LY96: variants seen among roughly 807,000 people sequenced by gnomAD.
LY96 encodes the protein lymphocyte antigen 96.
Under a neutral mutation model 18.9 loss-of-function variants are expected in LY96, and 18 were observed. That is an observed-to-expected ratio of 0.95 (90% CI 0.66 to 1.41). The LOEUF (loss-of-function observed/expected upper bound fraction) is 1.41. Among genes scored for constraint, LY96 ranks in the 40% most tolerant of loss-of-function variants. The probability of loss-of-function intolerance (pLI) is 0.00; values close to 1 mark genes in which losing one functional copy is unlikely to be tolerated. For missense variants in LY96, 175 were observed against 182.4 expected, an observed-to-expected ratio of 0.96 and a Z score of 0.23; for synonymous variants, 66 against 62.6, an observed-to-expected ratio of 1.06 and a Z score of -0.26.
the LY96 span, among the ~76,000 whole-genome samples, chr8:74,095,063 A>G: frequency 2.0e-5 from 3 of 152,214 alleles, no homozygotes; most frequent in African/African-American, 7.2e-5. Context: ...ATTGTTCCAA[A>G]GGTGTGGCAG....
At chr8:74,065,186 C>T in the LY96 span, among the ~76,000 whole-genome samples, 1 of 152,136 alleles carries the variant, frequency 6.6e-6, no homozygotes, top group African/African-American at 2.4e-5. Flanking sequence ...ACTTTCTGGG[C>T]CAAACCAATG....
the LY96 span, among the ~76,000 whole-genome samples, chr8:74,087,114 A>G: frequency 6.6e-6 from 1 of 152,220 alleles, no homozygotes; most frequent in Non-Finnish European, 1.5e-5. Flanking sequence ...GGGTGGCAAT[A>G]GCTCCTGAAA....
intron 2 of LY96, among the ~76,000 whole-genome samples, chr8:74,006,322 C>T (rs903186510): frequency 5.1e-4 from 77 of 152,158 alleles, no homozygotes; most frequent in African/African-American, 1.3e-3. Flanking sequence ...CTCAGCCTCC[C>T]GGGTAGCTGG....
At chr8:74,014,523 T>C in intron 3 of LY96, among the ~76,000 whole-genome samples, 1 of 149,646 alleles carries the variant, frequency 6.7e-6, no homozygotes. Context: ...CATAATGAGT[T>C]CTGGCTTGGG....
chr8:74,058,450 A>G, the LY96 span, among the ~76,000 whole-genome samples: 2 of 152,248 alleles, frequency 1.3e-5, no homozygotes. Flanking sequence ...TGTATTAGTC[A>G]GGGTTCTCCA....
intron 1 of LY96, among the ~76,000 whole-genome samples, chr8:74,002,992 A>T (rs2131261266): frequency 6.6e-6 from 1 of 152,314 alleles, no homozygotes; most frequent in East Asian, 1.9e-4. Flanking sequence ...GAGGTATTTT[A>T]AATTGTCTGT....
the LY96 span, among the ~76,000 whole-genome samples, chr8:74,092,248 T>C: frequency 1.3e-5 from 2 of 152,200 alleles, no homozygotes; most frequent in African/African-American, 4.8e-5. Context: ...AGTCTGTTCA[T>C]TTTATCAGAG....
At chr8:74,077,065 A>G in the LY96 span, among the ~76,000 whole-genome samples, 5 of 152,184 alleles carry the variant, frequency 3.3e-5, no homozygotes, top group African/African-American at 7.2e-5. Context: ...ATTATAAAGG[A>G]CACACCTCTA....
the LY96 span, among the ~76,000 whole-genome samples, chr8:74,086,289 T>C: frequency 6.6e-6 from 1 of 152,232 alleles, no homozygotes; most frequent in East Asian, 1.9e-4. Context: ...TGTCTTTCTC[T>C]ACAAACTATA....
At chr8:74,086,603 A>T in the LY96 span, among the ~76,000 whole-genome samples, 1 of 152,238 alleles carries the variant, frequency 6.6e-6, no homozygotes, top group African/African-American at 2.4e-5. Flanking sequence ...TATTAGGATG[A>T]GGTCCAAGAT....
At chr8:74,058,263 C>T in the LY96 span, among the ~76,000 whole-genome samples, 2 of 151,858 alleles carry the variant, frequency 1.3e-5, no homozygotes, top group Non-Finnish European at 2.9e-5. Context: ...AATGCATTTC[C>T]ATTTTATTTT....
chr8:74,096,201 C>A, the LY96 span, among the ~76,000 whole-genome samples: 1 of 152,178 alleles, frequency 6.6e-6, no homozygotes, highest in Non-Finnish European at 1.5e-5. Context: ...TGCCTTTTAG[C>A]TGGTCTTCAA....
the LY96 span, among the ~76,000 whole-genome samples, chr8:74,077,130 C>T: frequency 1.3e-5 from 2 of 152,206 alleles, no homozygotes; most frequent in Non-Finnish European, 1.5e-5. Context: ...GAGAGTGGTT[C>T]GTGGCTCTTC....
At chr8:74,039,346 G>A in the LY96 span, among the ~76,000 whole-genome samples, 35 of 152,188 alleles carry the variant, frequency 2.3e-4, no homozygotes, top group Admixed American at 8.5e-4. Context: ...TTCCTTTGCT[G>A]TGCAGATCTT....
chr8:73,996,389 C>A (rs1279364619), intron 1 of LY96, among the ~76,000 whole-genome samples: 6 of 42,648 alleles, frequency 1.4e-4, no homozygotes, highest in African/African-American at 4.4e-4. Flanking sequence ...TTCTTTCTTT[C>A]TTTCTTTCTT....
the LY96 span, chr8:74,099,680 T>C: frequency 7.2e-5 from 11 of 152,322 alleles, no homozygotes; most frequent in Non-Finnish European, 1.3e-4. Context: ...CCTCCTATAA[T>C]CTGTTGAATA....
At chr8:74,033,918 C>T (rs1195648890), downstream of LY96, among the ~76,000 whole-genome samples, 2 of 150,524 alleles carry the variant, frequency 1.3e-5, no homozygotes, top group Non-Finnish European at 3.0e-5. Context: ...TTTTTTAAAC[C>T]AGGGCTTTGA....
At chr8:74,084,121 C>T in the LY96 span, among the ~76,000 whole-genome samples, 18 of 151,924 alleles carry the variant, frequency 1.2e-4, no homozygotes, top group Middle Eastern at 3.4e-3. Flanking sequence ...ATTGCTTCCT[C>T]GTGATGTTTA....
chr8:74,011,024 C>T (rs569627251), intron 3 of LY96, among the ~76,000 whole-genome samples: 2 of 152,218 alleles, frequency 1.3e-5, no homozygotes, highest in Admixed American at 6.5e-5. Context: ...AGACTCAAAT[C>T]AGCTTGTCTA....
Sources: allele counts gnomAD v4.1 joint callset (sites outside exome capture counted in the v4.1 genomes callset), GRCh38; gene constraint gnomAD v4.1.1; transcripts MANE v1.5; gene names NCBI Gene and HGNC (gene_info 2026-07-23, HGNC 2026-07-21).